The following MEIS2 variants were observed in gnomAD, a reference collection of about 807,000 sequenced individuals.
MEIS2 encodes the protein Meis homeobox 2.
In MEIS2, 9 loss-of-function variants were observed where a neutral mutation model predicts 58.6. The observed-to-expected ratio is 0.15, with a 90% CI of 0.09 to 0.27. The LOEUF (loss-of-function observed/expected upper bound fraction) is 0.27, where lower values mean the gene tolerates loss of function less well. Ranked by LOEUF, MEIS2 falls within the 10% of genes least tolerant of loss-of-function variation. The pLI is 1.00. For synonymous variants in MEIS2, 221 were observed against 228.4 expected, an observed-to-expected ratio of 0.97 and a Z score of 0.29; for missense variants, 427 against 635.0, an observed-to-expected ratio of 0.67 and a Z score of 3.52.
At chr15:36,981,411 T>C (rs2059924517) in intron 8 of MEIS2, among the ~76,000 whole-genome samples, 1 of 152,170 alleles carries the variant, frequency 6.6e-6, no homozygotes, top group Non-Finnish European at 1.5e-5. Context: ...TCCAATTTTA[T>C]TTTTTATTTT....
At chr15:37,071,432 C>T (rs1044683753) in intron 7 of MEIS2, among the ~76,000 whole-genome samples, 2 of 152,096 alleles carry the variant, frequency 1.3e-5, no homozygotes, top group African/African-American at 4.8e-5. Flanking sequence ...CAATTCATAA[C>T]TTCTCTTTTC....
intron 9 of MEIS2, among the ~76,000 whole-genome samples, chr15:36,939,968 G>A (rs763416520): frequency 1.3e-5 from 2 of 152,144 alleles, no homozygotes. Flanking sequence ...GCGATGGCAG[G>A]ATATTGGTTC....
chr15:36,934,580 T>A (rs1455641550), intron 9 of MEIS2, among the ~76,000 whole-genome samples: 1 of 152,218 alleles, frequency 6.6e-6, no homozygotes, highest in Admixed American at 6.5e-5. Flanking sequence ...TATCTTACAT[T>A]CCTTGTTTTT....
chr15:37,008,342 T>C (rs2060998760), intron 8 of MEIS2, among the ~76,000 whole-genome samples: 1 of 152,256 alleles, frequency 6.6e-6, no homozygotes, highest in South Asian at 2.1e-4. Flanking sequence ...TTGGAAGTTT[T>C]GCATTTGTTC....
At chr15:36,935,087 A>T (rs918231771) in intron 9 of MEIS2, among the ~76,000 whole-genome samples, 2 of 152,154 alleles carry the variant, frequency 1.3e-5, no homozygotes, top group African/African-American at 4.8e-5. Context: ...TCACAGATTC[A>T]GTATGGTAGT....
intron 8 of MEIS2, among the ~76,000 whole-genome samples, chr15:36,954,987 G>A (rs2058905869): frequency 6.6e-6 from 1 of 152,148 alleles, no homozygotes; most frequent in Non-Finnish European, 1.5e-5. Context: ...TAATAAAAAT[G>A]CATTGGGCAG....
At chr15:36,905,783 A>C (rs751721963) in intron 9 of MEIS2, among the ~76,000 whole-genome samples, 10 of 152,338 alleles carry the variant, frequency 6.6e-5, no homozygotes, top group Non-Finnish European at 1.3e-4. Flanking sequence ...CAATACATAC[A>C]TATATAGTTA....
At chr15:37,022,818 G>A (rs149557503) in intron 8 of MEIS2, among the ~76,000 whole-genome samples, 13 of 151,412 alleles carry the variant, frequency 8.6e-5, no homozygotes, top group African/African-American at 2.2e-4. Flanking sequence ...CAGAACACCC[G>A]GCTAATTTTT....
intron 8 of MEIS2, among the ~76,000 whole-genome samples, chr15:37,000,299 T>C (rs1232442331): frequency 6.6e-5 from 10 of 152,134 alleles, no homozygotes; most frequent in Admixed American, 6.5e-4. Context: ...CACTGTCTGC[T>C]TGATGGTATT....
At chr15:36,940,236 T>C (rs192083832) in intron 9 of MEIS2, among the ~76,000 whole-genome samples, 1 of 152,272 alleles carries the variant, frequency 6.6e-6, no homozygotes, top group East Asian at 1.9e-4. Flanking sequence ...GAAATAGTCT[T>C]GCGGGAGGCA....
At chr15:37,004,195 TTTTAAACAGGTTATGAAGTG>T (rs1438171416) in intron 8 of MEIS2, among the ~76,000 whole-genome samples, 1 of 152,210 alleles carries the variant, frequency 6.6e-6, no homozygotes, top group African/African-American at 2.4e-5. Flanking sequence ...AAAAAAATAC[TTTTAAACAGGTTATGAAGTG>T]CTCTTCCTGT....
chr15:36,895,045 C>A, intron 11 of MEIS2, 106 bp downstream of exon 11: 1 of 1,043,290 alleles, frequency 9.6e-7, no homozygotes, highest in South Asian at 1.5e-5. Flanking sequence ...AGGCAGCAGG[C>A]AAATGTTAAA....
chr15:37,049,148 C>T (rs1449718911), intron 7 of MEIS2, among the ~76,000 whole-genome samples: 2 of 152,100 alleles, frequency 1.3e-5, no homozygotes, highest in East Asian at 1.9e-4. Flanking sequence ...TGAATATCTA[C>T]AACATACACA....
intron 9 of MEIS2, among the ~76,000 whole-genome samples, chr15:36,920,358 G>T (rs1305592240): frequency 6.6e-6 from 1 of 152,132 alleles, no homozygotes; most frequent in African/African-American, 2.4e-5. Flanking sequence ...CATTGGTCAG[G>T]TTGGTCTCGA....
rs544978409 is a variant in MEIS2, at chr15:36,976,203, T to G, written c.901-25803A>C. On this transcript the variant is annotated intron_variant, in intron 8 of 11. Transcript: ENST00000561208. ...GGGTTCAAGCAACTCTCCTGCCTCA[T>G]CCTCCCACATAGCTGGGATTACAGG... Among the ~76,000 whole-genome samples the G allele has an allele frequency of 2.0e-4, 31 of 151,960 alleles. 1 individual carries two copies. The highest frequency in any genetic ancestry group is 1.0e-3 in the South Asian group (5 of 4,824).
At chr15:36,911,381 T>C (rs2057018014) in intron 9 of MEIS2, among the ~76,000 whole-genome samples, 1 of 152,222 alleles carries the variant, frequency 6.6e-6, no homozygotes, top group Non-Finnish European at 1.5e-5. Flanking sequence ...GAACTGTGAC[T>C]GAGCTGTGTG....
chr15:37,039,625 G>GAAAAAAA (rs1404499937), intron 7 of MEIS2, among the ~76,000 whole-genome samples: 9 of 152,096 alleles, frequency 5.9e-5, no homozygotes, highest in African/African-American at 2.2e-4. Flanking sequence ...TTTAGTGCAA[G>GAAAAAAA]AAAAAATATA....
At chr15:36,959,743 T>C (rs1287070389) in intron 8 of MEIS2, among the ~76,000 whole-genome samples, 3 of 152,194 alleles carry the variant, frequency 2.0e-5, no homozygotes, top group African/African-American at 4.8e-5. Flanking sequence ...ATCCAGATGG[T>C]GACAATGACA....
chr15:36,984,682 G>C lies in MEIS2; in HGVS notation c.901-34282C>G, dbSNP rs528596324. On this transcript the variant is annotated intron_variant, in intron 8 of 11. Transcript: ENST00000561208. Reference sequence around the variant, plus strand: ...AGGACTGGTGTTAATTCTTCCTTAAGTGTTTACTAGAATTCACCAGTGAAG... The same window carrying C: ...AGGACTGGTGTTAATTCTTCCTTAACTGTTTACTAGAATTCACCAGTGAAG... Among the ~76,000 whole-genome samples the C allele has an allele frequency of 5.3e-4, 80 of 152,140 alleles. No individual in the cohort carries two copies. The Middle Eastern group carries it at 0.014, about 26-fold the overall frequency.
Sources: allele counts gnomAD v4.1 joint callset (sites outside exome capture counted in the v4.1 genomes callset), GRCh38; gene constraint gnomAD v4.1.1; transcripts MANE v1.5; gene names NCBI Gene and HGNC (gene_info 2026-07-23, HGNC 2026-07-21).